SNCAIP: variants seen among roughly 807,000 people sequenced by gnomAD.
SNCAIP encodes synuclein alpha interacting protein, also known as synphilin-1.
SNCAIP carries 43 observed loss-of-function variants against 86.7 expected under a neutral mutation model. The observed-to-expected ratio is 0.50, with a 90% CI of 0.39 to 0.64. The LOEUF is 0.64. SNCAIP is among the 30% of genes least tolerant of loss of function. The pLI is 0.00. For missense variants in SNCAIP, 981 were observed against 1,103.1 expected (o/e 0.89, Z 1.57); for synonymous variants, 417 against 427.2 (o/e 0.98, Z 0.29).
At chr5:122,314,169 A>T (rs1295903376) in intron 1 of SNCAIP, among the ~76,000 whole-genome samples, 1 of 152,246 alleles carries the variant, frequency 6.6e-6, no homozygotes, top group Non-Finnish European at 1.5e-5. Context: ...ATGCAAGCCA[A>T]GAAACTTTGT....
intron 8 of SNCAIP, chr5:122,445,020 C>T (rs1375484000): frequency 4.5e-6 from 2 of 446,056 alleles, no homozygotes; most frequent in African/African-American, 2.0e-5. Context: ...GTGTTCACAA[C>T]TCAGGGCCAG....
chr5:122,395,540 TTCCTAAGGTGCTTGAAC>T (rs1770423212), intron 2 of SNCAIP, among the ~76,000 whole-genome samples: 1 of 152,204 alleles, frequency 6.6e-6, no homozygotes. Flanking sequence ...TGGGTTCATT[TTCCTAAGGTGCTTGAAC>T]CACTGTCTGA....
At chr5:122,362,201 C>T (rs533816397) in intron 1 of SNCAIP, among the ~76,000 whole-genome samples, 3 of 152,290 alleles carry the variant, frequency 2.0e-5, no homozygotes, top group East Asian at 3.9e-4. Context: ...TCTTATTTAA[C>T]CTTCACAATG....
intron 1 of SNCAIP, among the ~76,000 whole-genome samples, chr5:122,334,156 G>A (rs1755941847): frequency 6.6e-6 from 1 of 152,026 alleles, no homozygotes; most frequent in Admixed American, 6.6e-5. Context: ...ATAAAAACTA[G>A]CACTTACGTA....
intron 1 of SNCAIP, among the ~76,000 whole-genome samples, chr5:122,317,722 C>T (rs1402716650): frequency 6.6e-6 from 1 of 152,120 alleles, no homozygotes; most frequent in Non-Finnish European, 1.5e-5. Flanking sequence ...AGATGCTGTG[C>T]GTGCAGAAAC....
chr5:122,452,844 C>A, intron 10 of SNCAIP: 1 of 853,134 alleles, frequency 1.2e-6, no homozygotes, highest in Non-Finnish European at 1.9e-6. Flanking sequence ...TATCTTCCTG[C>A]ATGCTTCATG....
intron 1 of SNCAIP, among the ~76,000 whole-genome samples, chr5:122,342,184 C>T (rs1757728919): frequency 6.6e-6 from 1 of 152,038 alleles, no homozygotes; most frequent in African/African-American, 2.4e-5. Flanking sequence ...TCCCTTCTTC[C>T]TCTTCTACTC....
At chr5:122,463,437 G>C in intron 10 of SNCAIP, 54 bp from the exon 11 acceptor site, 1 of 1,047,974 alleles carries the variant, frequency 9.5e-7, no homozygotes, top group South Asian at 1.3e-5. Context: ...GTATTGTCTT[G>C]TAACTTGACC....
chr5:122,379,834 G>T (rs971436583), intron 1 of SNCAIP, among the ~76,000 whole-genome samples: 53 of 150,170 alleles, frequency 3.5e-4, no homozygotes, highest in African/African-American at 1.2e-3. Flanking sequence ...TTATATGCTG[G>T]ATTACATTTA....
chr5:122,439,316 A>C (rs891284840), intron 6 of SNCAIP, among the ~76,000 whole-genome samples: 13 of 152,118 alleles, frequency 8.5e-5, no homozygotes, highest in Non-Finnish European at 1.5e-4. Flanking sequence ...AGTTTCTACC[A>C]TGTCTGTCTC....
At chr5:122,325,789 A>T (rs908573809) in intron 1 of SNCAIP, among the ~76,000 whole-genome samples, 1 of 151,800 alleles carries the variant, frequency 6.6e-6, no homozygotes, top group South Asian at 2.1e-4. Flanking sequence ...GCATTCTTCA[A>T]TTTTTTTTGA....
intron 8 of SNCAIP, among the ~76,000 whole-genome samples, chr5:122,449,098 A>G (rs1007622805): frequency 2.0e-5 from 3 of 152,178 alleles, no homozygotes; most frequent in South Asian, 2.1e-4. Context: ...TGAAAATATC[A>G]TAAGGTAAAA....
chr5:122,428,571 T>G (rs1214336536), intron 5 of SNCAIP, among the ~76,000 whole-genome samples: 1 of 151,756 alleles, frequency 6.6e-6, no homozygotes, highest in Non-Finnish European at 1.5e-5. Context: ...TCAATAAGTT[T>G]TTTTTTTTTT....
chr5:122,361,820 G>A (rs1762280936), intron 1 of SNCAIP, among the ~76,000 whole-genome samples: 1 of 152,088 alleles, frequency 6.6e-6, no homozygotes, highest in Non-Finnish European at 1.5e-5. Context: ...AGTTCCTAAT[G>A]ACAAACTAGA....
At chr5:122,339,120 A>G (rs1218407052) in intron 1 of SNCAIP, among the ~76,000 whole-genome samples, 1 of 152,156 alleles carries the variant, frequency 6.6e-6, no homozygotes, top group Non-Finnish European at 1.5e-5. Context: ...GTTTGTGATC[A>G]TTTGGGAATG....
intron 5 of SNCAIP, among the ~76,000 whole-genome samples, chr5:122,426,727 T>A (rs1241257928): frequency 6.6e-6 from 1 of 151,428 alleles, no homozygotes; most frequent in Non-Finnish European, 1.5e-5. Flanking sequence ...GAAAGATAAA[T>A]AGAACTAAAC....
chr5:122,343,865 T>C (rs371561773), intron 1 of SNCAIP, among the ~76,000 whole-genome samples: 23 of 152,342 alleles, frequency 1.5e-4, no homozygotes, highest in African/African-American at 5.3e-4. Context: ...AGTTCTTGTC[T>C]TAACAAGATG....
chr5:122,369,640 AT>A (rs1478835947), intron 1 of SNCAIP: 1 of 152,162 alleles, frequency 6.6e-6, no homozygotes, highest in Non-Finnish European at 1.5e-5. Flanking sequence ...GTGAAATTGA[AT>A]TGGCAGAGCC....
intron 3 of SNCAIP, among the ~76,000 whole-genome samples, chr5:122,419,075 G>C (rs1775868650): frequency 6.6e-6 from 1 of 152,162 alleles, no homozygotes; most frequent in South Asian, 2.1e-4. Context: ...CAAGGAAAGA[G>C]AATAGTCAAG....
Sources: gnomAD v4.1 joint callset for allele counts (sites outside exome capture counted in the v4.1 genomes callset) on GRCh38, gnomAD v4.1.1 for gene constraint, MANE v1.5 for transcripts, NCBI Gene and HGNC (gene_info 2026-07-23, HGNC 2026-07-21) for gene names.